The following NR2C2 variants were observed in gnomAD, a reference collection of about 807,000 sequenced individuals.
The protein encoded by NR2C2 is nuclear receptor subfamily 2 group C member 2.
In NR2C2, 6 loss-of-function variants were observed where a neutral mutation model predicts 62.9. The ratio of observed to expected loss-of-function variants is 0.10; its 90% CI spans 0.05 to 0.19. The LOEUF (loss-of-function observed/expected upper bound fraction) is 0.19, where lower values mean the gene tolerates loss of function less well. Among genes scored for constraint, NR2C2 ranks in the 10% least tolerant of loss-of-function variants. NR2C2 has a pLI of 1.00. For missense variants in NR2C2, 479 were observed against 762.7 expected, an observed-to-expected ratio of 0.63 and a Z score of 4.38; for synonymous variants, 272 against 273.8, an observed-to-expected ratio of 0.99 and a Z score of 0.07.
intron 11 of NR2C2, among the ~76,000 whole-genome samples, chr3:15,036,519 GTCTC>G (rs1337491580): frequency 1.3e-5 from 2 of 152,108 alleles, no homozygotes; most frequent in African/African-American, 4.8e-5. Flanking sequence ...TTTTGATACA[GTCTC>G]TCTGTGTTGC....
At chr3:14,951,738 G>C (rs147912221) in intron 1 of NR2C2, among the ~76,000 whole-genome samples, 46 of 151,806 alleles carry the variant, frequency 3.0e-4, no homozygotes, top group African/African-American at 1.0e-3. Flanking sequence ...AGGATGGCTG[G>C]AAGTTTTTTT....
chr3:15,004,117 T>TA lies in NR2C2; in HGVS notation c.72+139dup, dbSNP rs550474555. 1.5e-3 allele frequency: 968 copies of TA among 652,496 alleles called. 2 individuals are homozygous for TA. In the African/African-American group the frequency reaches 0.015, roughly 10 times the overall value. 40.4% of individuals were successfully genotyped at this position (652,496 alleles called of 1,614,324 possible). On this transcript the variant is annotated intron_variant, in intron 2 of 13. Coordinates refer to ENST00000425241, the MANE Select transcript of NR2C2 (RefSeq NM_001291694.2). ...ATACAGTACAACTTCATCAATTCTTTAAAAAAAATAAAGAAAAAATGCTTA... is the reference window on the plus strand; with the variant it reads ...ATACAGTACAACTTCATCAATTCTTTAAAAAAAAATAAAGAAAAAATGCTTA...
chr3:14,983,647 A>G (rs932810491), intron 1 of NR2C2, among the ~76,000 whole-genome samples: 2 of 152,164 alleles, frequency 1.3e-5, no homozygotes, highest in Non-Finnish European at 2.9e-5. Flanking sequence ...TGTATATAAA[A>G]TGAGAATTAT....
intron 1 of NR2C2, among the ~76,000 whole-genome samples, chr3:14,961,526 A>G (rs1020365651): frequency 1.3e-5 from 2 of 152,186 alleles, no homozygotes; most frequent in Non-Finnish European, 2.9e-5. Flanking sequence ...TCAATAGTGA[A>G]TGTCCAGAAA....
chr3:15,000,320 A>G (rs2040953392), intron 1 of NR2C2, among the ~76,000 whole-genome samples: 1 of 152,152 alleles, frequency 6.6e-6, no homozygotes, highest in Non-Finnish European at 1.5e-5. Flanking sequence ...CTCCAGTTCC[A>G]TCCGTGTCAT....
At chr3:14,953,035 T>C (rs923102729) in intron 1 of NR2C2, among the ~76,000 whole-genome samples, 1 of 152,174 alleles carries the variant, frequency 6.6e-6, no homozygotes, top group Non-Finnish European at 1.5e-5. Flanking sequence ...CCCTGGTACC[T>C]GGAAGTCTTA....
intron 1 of NR2C2, among the ~76,000 whole-genome samples, chr3:14,994,313 T>C (rs1000458919): frequency 1.3e-5 from 2 of 151,944 alleles, no homozygotes; most frequent in African/African-American, 4.8e-5. Flanking sequence ...GAATAGAAAT[T>C]TCCTGCAGCC....
chr3:15,010,711 CA>C (rs541686657), intron 2 of NR2C2, among the ~76,000 whole-genome samples: 698 of 125,878 alleles, frequency 5.5e-3, no homozygotes, highest in Middle Eastern at 0.012. Flanking sequence ...GACCCTGTCT[CA>C]AAAAAAAAAA....
chr3:14,971,203 T>C (rs6773232), intron 1 of NR2C2, among the ~76,000 whole-genome samples: 58,729 of 150,652 alleles, frequency 0.39, 14,508 homozygotes, highest in African/African-American at 0.7. Flanking sequence ...CTGCAACCTT[T>C]GCCTCCTGGG....
chr3:15,022,336 A>T (rs950314900), intron 5 of NR2C2, among the ~76,000 whole-genome samples: 20 of 151,918 alleles, frequency 1.3e-4, no homozygotes, highest in African/African-American at 4.3e-4. Flanking sequence ...AAATTGTGGC[A>T]TAGGAAATGC....
intron 1 of NR2C2, among the ~76,000 whole-genome samples, chr3:14,995,593 G>A (rs940094501): frequency 1.3e-5 from 2 of 151,808 alleles, no homozygotes; most frequent in African/African-American, 2.4e-5. Context: ...GGACTTGGGC[G>A]TTTTTACTTT....
Position 15,030,258 on chromosome 3 carries a change from T to C in NR2C2, c.933-17T>C. ...CTGTAGATTCACAACAATTACATGC[T>C]TCATTTTTGCTCACAGGGCATTTGA... On this transcript the variant is annotated splice_polypyrimidine_tract_variant and intron_variant, in intron 8 of 13. Transcript: ENST00000425241. The C allele has an allele frequency of 6.2e-7, 1 of 1,604,348 alleles. No individual in the cohort carries two copies. Among genetic ancestry groups the C allele is most frequent in the East Asian group, 2.2e-5 (1 of 44,508 alleles).
intron 1 of NR2C2, among the ~76,000 whole-genome samples, chr3:14,976,629 G>T: frequency 1.4e-5 from 1 of 71,406 alleles, no homozygotes; most frequent in African/African-American, 7.6e-5. Flanking sequence ...TTTTTTGATG[G>T]ACAGCATGCT....
Position 15,019,472 on chromosome 3 carries a change from C to T in NR2C2, c.377-1281C>T, listed in dbSNP as rs183426202. 5.1e-4 allele frequency among the ~76,000 whole-genome samples: 78 copies of T among 152,270 alleles called. No homozygotes were observed. In the East Asian group the frequency reaches 6.6e-3, roughly 13 times the overall value. On this transcript the variant is annotated intron_variant, in intron 4 of 13. Transcript: ENST00000425241. Reference sequence around the variant, plus strand: ...TGTTGAAGAAATATCTGCACTCCCACGCTTACTGCATGACTATTTACAATG... The same window carrying T: ...TGTTGAAGAAATATCTGCACTCCCATGCTTACTGCATGACTATTTACAATG...
Position 15,045,732 on chromosome 3 carries a change from C to T in NR2C2, c.*2724C>T, listed in dbSNP as rs1398485320. On this transcript the variant is annotated 3_prime_UTR_variant, in exon 14 of 14. Transcript: ENST00000425241. ...CCAAATATTTGGGCTCCAACTTTCA[C>T]AGGGCTTATAGCCCTTATTAGCAGT... The T allele has an allele frequency of 6.6e-6, 1 of 152,662 alleles. No homozygotes were observed. Among genetic ancestry groups the T allele is most frequent in the Non-Finnish European group, 1.5e-5 (1 of 68,046 alleles). 9.5% of individuals were successfully genotyped at this position (152,662 alleles called of 1,614,324 possible). A position where few individuals can be genotyped will look rare whatever the true frequency, so the allele number is the denominator to read the frequency against.
chr3:14,961,640 C>T (rs901682863), intron 1 of NR2C2, among the ~76,000 whole-genome samples: 1 of 152,182 alleles, frequency 6.6e-6, no homozygotes, highest in Non-Finnish European at 1.5e-5. Flanking sequence ...GAAGTCTGCT[C>T]CTTCAGCAAT....
At chr3:15,020,728 T>C (rs1327387979) in intron 4 of NR2C2, 25 bp from the exon 5 acceptor site, 1 of 1,610,314 alleles carries the variant, frequency 6.2e-7, no homozygotes, top group Non-Finnish European at 8.5e-7. Context: ...CACAAAATAT[T>C]TGTGTATTCT....
At chr3:14,948,649 G>T (rs2039229613) in intron 1 of NR2C2, 1 of 153,266 alleles carries the variant, frequency 6.5e-6, no homozygotes, top group Non-Finnish European at 1.5e-5. Flanking sequence ...CCGGCGCCTG[G>T]TCTTGGGTCA....
At chr3:14,968,878 C>T (rs1239771259) in intron 1 of NR2C2, among the ~76,000 whole-genome samples, 5 of 145,604 alleles carry the variant, frequency 3.4e-5, no homozygotes, top group Admixed American at 1.4e-4. Flanking sequence ...AGTAAACTAT[C>T]GCAAGAACAA....
Sources: gnomAD v4.1 joint callset for allele counts (sites outside exome capture counted in the v4.1 genomes callset) on GRCh38, gnomAD v4.1.1 for gene constraint, MANE v1.5 for transcripts, NCBI Gene and HGNC (gene_info 2026-07-23, HGNC 2026-07-21) for gene names.